The following CHMP7 variants were observed in gnomAD, a reference collection of about 807,000 sequenced individuals.
CHMP7 encodes charged multivesicular body protein 7.
A neutral mutation model predicts 53.7 loss-of-function variants in CHMP7; 15 were observed. The observed-to-expected ratio is 0.28, with a 90% CI of 0.19 to 0.43. The LOEUF is 0.43. Ranked by LOEUF, CHMP7 falls within the 20% of genes least tolerant of loss-of-function variation. CHMP7 has a pLI of 1.00. For missense variants in CHMP7, 527 were observed against 569.4 expected, an observed-to-expected ratio of 0.93 and a Z score of 0.76; for synonymous variants, 261 against 228.0, an observed-to-expected ratio of 1.14 and a Z score of -1.30.
chr8:23,247,715 A>G (rs1801762727), intron 2 of CHMP7, among the ~76,000 whole-genome samples: 1 of 152,200 alleles, frequency 6.6e-6, no homozygotes, highest in Non-Finnish European at 1.5e-5. Context: ...CTCAGCAGAC[A>G]GAAGAGGAAA....
At position 23,259,121 on chromosome 8, in the gene CHMP7, G is replaced by A. The variant is rs1442095566; in HGVS notation, c.1115G>A (p.Gly372Asp). The change falls in exon 9 of 11, where the codon GGC (glycine) becomes GAC (aspartate). Residue 372 changes from glycine (G) to aspartate (D), a missense_variant. Physicochemically the swap from Gly to Asp is moderately conservative, Grantham distance 94. Transcript: ENST00000397677. ...SQTLAGGVTN[G>D]LDFDSEELEK... ...ACTCTGGCTGGTGGGGTAACAAATGGCTTAGGTGAGTGGACAAGGTGGTTA... is the reference window on the plus strand; with the variant it reads ...ACTCTGGCTGGTGGGGTAACAAATGACTTAGGTGAGTGGACAAGGTGGTTA... The A allele has an allele frequency of 1.3e-6, 2 of 1,558,308 alleles. No individual in the cohort carries two copies. The highest frequency in any genetic ancestry group is 1.4e-5 in the African/African-American group (1 of 73,976).
intron 6 of CHMP7, 96 bp downstream of exon 6, chr8:23,258,177 G>A: frequency 3.5e-6 from 5 of 1,438,406 alleles, no homozygotes; most frequent in East Asian, 2.3e-5. Flanking sequence ...GGTTTTGAGG[G>A]GGGTAGAGTC....
chr8:23,255,118 T>G, intron 3 of CHMP7, 129 bp from the exon 4 acceptor site: 5 of 886,964 alleles, frequency 5.6e-6, no homozygotes, highest in Non-Finnish European at 8.9e-6. Flanking sequence ...AGCCGCTACT[T>G]TGGGGAGGAT....
chr8:23,256,010 T>A (rs12678953), intron 4 of CHMP7, among the ~76,000 whole-genome samples: 29,681 of 151,958 alleles, frequency 0.2, 3,188 homozygotes, highest in East Asian at 0.45. Context: ...TCTGCCTGCC[T>A]CGGCCTCCCA....
Position 23,246,517 on chromosome 8 carries a change from G to A in CHMP7, c.-179G>A, listed in dbSNP as rs1801687497. The A allele has an allele frequency of 4.9e-6, 3 of 611,482 alleles. No individual in the cohort carries two copies. The highest frequency in any genetic ancestry group is 3.0e-5 in the Admixed American group (1 of 33,550). 37.9% of individuals were successfully genotyped at this position (611,482 alleles called of 1,614,324 possible). A position where few individuals can be genotyped will look rare whatever the true frequency, so the allele number is the denominator to read the frequency against. ...AACTTCATCATACTGCCTCCTGGCT[G>A]ACGGAGCGCAGCGCAACGCATGCGC... is the stretch of plus-strand genomic sequence containing the variant. On this transcript the variant is annotated 5_prime_UTR_variant, in exon 2 of 11. Transcript: ENST00000397677.
At chr8:23,247,132 C>T (rs767374119) in intron 2 of CHMP7, 138 bp downstream of exon 2, 4 of 838,372 alleles carry the variant, frequency 4.8e-6, no homozygotes, top group South Asian at 4.3e-5. Flanking sequence ...AGTGTGTGTT[C>T]AGAAGGCGAA....
intron 3 of CHMP7, among the ~76,000 whole-genome samples, chr8:23,250,651 TGTGTGTGTGTG>T: frequency 7.0e-6 from 1 of 143,004 alleles, no homozygotes; most frequent in South Asian, 2.2e-4. Context: ...TGTGTGTGTG[TGTGTGTGTGTG>T]TGTTGACTGA....
intron 2 of CHMP7, chr8:23,247,934 A>G (rs1164021830): frequency 3.6e-6 from 1 of 280,528 alleles, no homozygotes; most frequent in Non-Finnish European, 7.1e-6. Flanking sequence ...TTTTTTTTTT[A>G]GTTTGCTGCT....
rs1276148606 is a variant in CHMP7 at position 23,258,457 on chromosome 8, C to T, written c.960+8C>T. 6.2e-7 allele frequency: 1 copy of T among 1,613,914 alleles called. No individual in the cohort carries two copies. The highest frequency in any genetic ancestry group is 8.5e-7 in the Non-Finnish European group (1 of 1,179,964). On this transcript the variant is annotated splice_region_variant and intron_variant, in intron 7 of 10. Transcript: ENST00000397677. ...TCCCAGACAGATCAGATGGTAGTCA[C>T]TCCCCTCTACTCCAGCACTTGGCTG...
chr8:23,260,174 T>G lies in CHMP7; in HGVS notation c.1151T>G (p.Leu384Trp). The change falls in exon 10 of 11, where the codon TTG (leucine) becomes TGG (tryptophan). Residue 384 changes from leucine (L) to tryptophan (W), a missense_variant. Physicochemically the swap from Leu to Trp is moderately conservative, Grantham distance 61 (BLOSUM62 -2). Transcript: ENST00000397677. ...DFDSEELEKELDILLQDTTKE... is the reference protein window; with the variant it reads ...DFDSEELEKEWDILLQDTTKE... ...GACAGTGAAGAACTGGAGAAGGAAT[T>G]GGACATCCTCCTTCAGGATACCACC... 6.2e-7 allele frequency: 1 copy of G among 1,614,166 alleles called. No homozygotes were observed. The highest frequency in any genetic ancestry group is 8.5e-7 in the Non-Finnish European group (1 of 1,179,990).
Position 23,256,528 on chromosome 8 carries a change from C to T in CHMP7, c.726C>T (p.Tyr242=), listed in dbSNP as rs1300395247. Residue 242 remains tyrosine (Y), a synonymous_variant, in exon 5 of 11, where the codon TAC becomes TAT. Transcript: ENST00000397677. Reference sequence around the variant, plus strand: ...TCAATGACGTAGATGTTGGGGTGTACCAGCTGATGCAGAGTGAACAGCTTC... The same window carrying T: ...TCAATGACGTAGATGTTGGGGTGTATCAGCTGATGCAGAGTGAACAGCTTC... The part of the protein sequence containing the change: ...SPVNDVDVGV[Y]QLMQSEQLLS... The T allele has an allele frequency of 8.7e-6, 14 of 1,611,652 alleles. No individual in the cohort carries two copies. Among genetic ancestry groups the T allele is most frequent in the Non-Finnish European group, 1.1e-5 (13 of 1,177,836 alleles).
chr8:23,259,262 G>A (rs1256340875), intron 9 of CHMP7, 136 bp downstream of exon 9: 34 of 494,182 alleles, frequency 6.9e-5, no homozygotes, highest in Middle Eastern at 5.9e-4. Flanking sequence ...TCCGCCTCCC[G>A]GGTTCACGCC....
chr8:23,251,807 A>G (rs925191920), intron 3 of CHMP7, among the ~76,000 whole-genome samples: 9 of 152,330 alleles, frequency 5.9e-5, no homozygotes, highest in East Asian at 1.9e-4. Flanking sequence ...GGACATTTCA[A>G]TCATTCCAAT....
chr8:23,258,631 C>A, intron 7 of CHMP7, 101 bp from the exon 8 acceptor site: 4 of 1,200,116 alleles, frequency 3.3e-6, no homozygotes, highest in Non-Finnish European at 4.8e-6. Context: ...GCTTGGGTGC[C>A]AAAAAAAACA....
intron 2 of CHMP7, chr8:23,248,091 C>G (rs1232647393): frequency 2.2e-6 from 1 of 456,152 alleles, no homozygotes; most frequent in African/African-American, 2.0e-5. Context: ...AGATTACAGG[C>G]GTTGAGCCAC....
intron 5 of CHMP7, among the ~76,000 whole-genome samples, chr8:23,256,986 G>C (rs1235319523): frequency 2.0e-5 from 3 of 151,400 alleles, no homozygotes; most frequent in Non-Finnish European, 2.9e-5. Flanking sequence ...TAGAGATGGG[G>C]TTTCACTGTG....
At chr8:23,260,404 C>T in intron 10 of CHMP7, 81 bp downstream of exon 10, 1 of 1,563,566 alleles carries the variant, frequency 6.4e-7, no homozygotes, top group South Asian at 1.1e-5. Flanking sequence ...CCCAATTACT[C>T]CATTTGCCAG....
intron 4 of CHMP7, among the ~76,000 whole-genome samples, 154 bp downstream of exon 4, chr8:23,255,586 A>G (rs968990063): frequency 6.6e-6 from 1 of 152,198 alleles, no homozygotes; most frequent in Non-Finnish European, 1.5e-5. Flanking sequence ...CCAAACATTA[A>G]CAGTTCCATA....
At chr8:23,254,632 C>T (rs1166739928) in intron 3 of CHMP7, among the ~76,000 whole-genome samples, 1 of 152,110 alleles carries the variant, frequency 6.6e-6, no homozygotes, top group East Asian at 1.9e-4. Context: ...AACTCCTGAC[C>T]TCAGGTGATC....
Sources: gnomAD v4.1 joint callset for allele counts (sites outside exome capture counted in the v4.1 genomes callset) on GRCh38, gnomAD v4.1.1 for gene constraint, MANE v1.5 for transcripts, NCBI Gene and HGNC (gene_info 2026-07-23, HGNC 2026-07-21) for gene names.